ATP2B2: variants seen among roughly 807,000 people sequenced by gnomAD.
ATP2B2 encodes the protein ATPase plasma membrane Ca2+ transporting 2.
Under a neutral mutation model 120.0 loss-of-function variants are expected in ATP2B2, and 15 were observed. The observed-to-expected ratio is 0.12, with a 90% CI of 0.08 to 0.19. ATP2B2 has a LOEUF of 0.19. Among genes scored for constraint, ATP2B2 ranks in the 10% least tolerant of loss-of-function variants. The probability of loss-of-function intolerance (pLI) is 1.00; values close to 1 mark genes in which losing one functional copy is unlikely to be tolerated. For missense variants in ATP2B2, 1,045 were observed against 1,719.8 expected (o/e 0.61, Z 6.94); for synonymous variants, 694 against 700.3 (o/e 0.99, Z 0.14).
chr3:10,618,583 C>T (rs1053756871), intron 2 of ATP2B2, among the ~76,000 whole-genome samples: 1 of 152,144 alleles, frequency 6.6e-6, no homozygotes, highest in African/African-American at 2.4e-5. Context: ...AGGAAGCATG[C>T]TTCGCCCCTG....
intron 1 of ATP2B2, among the ~76,000 whole-genome samples, chr3:10,654,877 G>A (rs1356237836): frequency 6.6e-6 from 1 of 151,996 alleles, no homozygotes; most frequent in Non-Finnish European, 1.5e-5. Flanking sequence ...AGATTCTGCT[G>A]AAGCTGTCCA....
At chr3:10,602,141 C>G (rs2068940645) in intron 2 of ATP2B2, among the ~76,000 whole-genome samples, 1 of 152,102 alleles carries the variant, frequency 6.6e-6, no homozygotes, top group Non-Finnish European at 1.5e-5. Flanking sequence ...CCACTTCCTG[C>G]CCTGGCCTCT....
At chr3:10,470,760 G>A (rs1481870141) in intron 1 of ATP2B2, among the ~76,000 whole-genome samples, 1 of 152,118 alleles carries the variant, frequency 6.6e-6, no homozygotes, top group Non-Finnish European at 1.5e-5. Flanking sequence ...CAGGGGACAG[G>A]ACCCCACTTC....
chr3:10,607,766 A>G (rs2069125630), intron 2 of ATP2B2, among the ~76,000 whole-genome samples: 1 of 152,220 alleles, frequency 6.6e-6, no homozygotes, highest in Admixed American at 6.5e-5. Flanking sequence ...TGTGGCAGCT[A>G]TCACAAGTTC....
chr3:10,512,018 C>T (rs1322846226), intron 3 of ATP2B2, among the ~76,000 whole-genome samples: 1 of 152,178 alleles, frequency 6.6e-6, no homozygotes, highest in Non-Finnish European at 1.5e-5. Flanking sequence ...TGAGCACCTA[C>T]TGTGTGCCAG....
intron 2 of ATP2B2, among the ~76,000 whole-genome samples, chr3:10,546,132 G>A (rs2067540429): frequency 6.6e-6 from 1 of 152,132 alleles, no homozygotes; most frequent in Admixed American, 6.5e-5. Context: ...ACGCACACAG[G>A]CACATGCATG....
chr3:10,540,463 C>G (rs897082435), intron 2 of ATP2B2, among the ~76,000 whole-genome samples: 1 of 152,088 alleles, frequency 6.6e-6, no homozygotes, highest in Admixed American at 6.5e-5. Context: ...AGACTTGGAA[C>G]CAACCCAAAT....
intron 1 of ATP2B2, among the ~76,000 whole-genome samples, chr3:10,682,440 T>C (rs2071405436): frequency 6.6e-6 from 1 of 152,224 alleles, no homozygotes; most frequent in Non-Finnish European, 1.5e-5. Flanking sequence ...ATGGCTTAAC[T>C]TCTCTGTGCC....
intron 2 of ATP2B2, among the ~76,000 whole-genome samples, chr3:10,615,161 C>T (rs749476): frequency 0.53 from 79,947 of 151,860 alleles, 21,845 homozygotes; most frequent in Middle Eastern, 0.62. Flanking sequence ...GGATTTTAGC[C>T]TCAGGACATC....
At chr3:10,429,677 C>A (rs73018741) in intron 2 of ATP2B2, among the ~76,000 whole-genome samples, 1 of 152,262 alleles carries the variant, frequency 6.6e-6, no homozygotes, top group Non-Finnish European at 1.5e-5. Flanking sequence ...CCATGGCCTC[C>A]AAATCACTTT....
intron 22 of ATP2B2, 95 bp downstream of exon 22, chr3:10,338,081 G>C: frequency 1.9e-6 from 3 of 1,549,282 alleles, no homozygotes; most frequent in Non-Finnish European, 2.6e-6. Context: ...CTCAGCACCA[G>C]AGCTGGGCCC....
At chr3:10,551,009 G>T (rs2067657908) in intron 2 of ATP2B2, among the ~76,000 whole-genome samples, 1 of 152,198 alleles carries the variant, frequency 6.6e-6, no homozygotes, top group Non-Finnish European at 1.5e-5. Flanking sequence ...TTGAGGCTCA[G>T]ACAGCACTGA....
At chr3:10,390,556 G>A (rs994862949) in intron 5 of ATP2B2, among the ~76,000 whole-genome samples, 1 of 151,532 alleles carries the variant, frequency 6.6e-6, no homozygotes, top group Non-Finnish European at 1.5e-5. Flanking sequence ...TTGGTCTCTG[G>A]GGTCTCAGGA....
chr3:10,466,168 G>A (rs911535724), intron 1 of ATP2B2, among the ~76,000 whole-genome samples: 3 of 152,166 alleles, frequency 2.0e-5, no homozygotes, highest in African/African-American at 7.2e-5. Flanking sequence ...AATGCTGGTG[G>A]TCACAAAGCT....
intron 1 of ATP2B2, among the ~76,000 whole-genome samples, chr3:10,451,704 C>G (rs2064058087): frequency 6.6e-6 from 1 of 152,106 alleles, no homozygotes; most frequent in South Asian, 2.1e-4. Context: ...CATGAGACAC[C>G]AAAGAAACTG....
Position 10,347,323 on chromosome 3 carries a change from G to C in ATP2B2, c.2405-1186C>G, listed in dbSNP as rs2060458503. On this transcript the variant is annotated intron_variant, in intron 16 of 22. Coordinates refer to ENST00000360273, the MANE Select transcript of ATP2B2 (RefSeq NM_001001331.4). This position sits in a 1 kb window ranked among gnomAD's most constrained non-coding sequence, Gnocchi z 5.2. ...GTACTGTATTTTTGGCTCAGAGGCT[G>C]CTTTTCCCAGGAAGCCTTTCTGACC... is the stretch of plus-strand genomic sequence containing the variant. Among the ~76,000 whole-genome samples, 1 of 152,194 alleles carries C rather than the reference G, an allele frequency of 6.6e-6. No homozygotes were observed. The highest frequency in any genetic ancestry group is 2.1e-4 in the South Asian group (1 of 4,834).
At position 10,346,218 on chromosome 3, in the gene ATP2B2, C is replaced by A; in HGVS notation, c.2405-81G>T. 3 of 1,392,798 alleles carry A rather than the reference C, an allele frequency of 2.2e-6. No homozygotes were observed. The highest frequency in any genetic ancestry group is 3.0e-6 in the Non-Finnish European group (3 of 998,560). 86.3% of individuals were successfully genotyped at this position (1,392,798 alleles called of 1,614,324 possible). A position where few individuals can be genotyped will look rare whatever the true frequency, so the allele number is the denominator to read the frequency against. ...GGCCAGCCCTGGTCCTCGGGAGGGG[C>A]CTGGCTGGGCATGGCTTCCTCTCTG... On this transcript the variant is annotated intron_variant, in intron 16 of 22. Transcript: ENST00000360273. This position sits in a 1 kb window ranked among gnomAD's most constrained non-coding sequence, Gnocchi z 4.1.
At chr3:10,548,760 A>G (rs1353611915) in intron 2 of ATP2B2, among the ~76,000 whole-genome samples, 1 of 152,206 alleles carries the variant, frequency 6.6e-6, no homozygotes, top group Non-Finnish European at 1.5e-5. Context: ...TTCTGGAAGA[A>G]CCCAGTCTAA....
At chr3:10,638,637 A>T (rs920998692) in intron 1 of ATP2B2, among the ~76,000 whole-genome samples, 4 of 152,244 alleles carry the variant, frequency 2.6e-5, no homozygotes, top group African/African-American at 9.6e-5. Flanking sequence ...AAATGTAAGT[A>T]GTCTAAACTT....
Sources: allele counts gnomAD v4.1 joint callset (sites outside exome capture counted in the v4.1 genomes callset), GRCh38; gene constraint gnomAD v4.1.1; non-coding constraint Gnocchi (gnomAD v3.1); transcripts MANE v1.5; gene names NCBI Gene and HGNC (gene_info 2026-07-23, HGNC 2026-07-21).